Variants in SLC16A5 observed in about 807,000 individuals in gnomAD.
SLC16A5 encodes the protein monocarboxylate transporter 6.
In SLC16A5, 29 loss-of-function variants were observed where a neutral mutation model predicts 33.2. The ratio of observed to expected loss-of-function variants is 0.87; its 90% CI spans 0.65 to 1.19. The LOEUF (loss-of-function observed/expected upper bound fraction) is 1.19. Among genes scored for constraint, SLC16A5 ranks in the 50% most tolerant of loss-of-function variants. The pLI, the probability that SLC16A5 is intolerant of heterozygous loss-of-function variation, is 0.00. For missense variants in SLC16A5, 606 were observed against 678.2 expected (o/e 0.89, Z 1.18); for synonymous variants, 248 against 284.1 (o/e 0.87, Z 1.28).
chr17:75,108,419 C>G (rs8075648), downstream of SLC16A5, among the ~76,000 whole-genome samples: 8,074 of 152,252 alleles, frequency 0.053, 382 homozygotes, highest in African/African-American at 0.13. Flanking sequence ...AAACTCCTGC[C>G]TCAGAGGGTG....
downstream of SLC16A5, among the ~76,000 whole-genome samples, chr17:75,108,775 G>A (rs943196930): frequency 1.3e-5 from 2 of 152,156 alleles, no homozygotes; most frequent in African/African-American, 2.4e-5. Context: ...AAGGGTGACC[G>A]CTCAAGGTTG....
Position 75,104,179 on chromosome 17 carries a change from A to G in SLC16A5, c.1363A>G (p.Met455Val), listed in dbSNP as rs1230480976. 4.3e-6 allele frequency: 7 copies of G among 1,613,980 alleles called. No individual in the cohort carries two copies. The highest frequency in any genetic ancestry group is 5.1e-6 in the Non-Finnish European group (6 of 1,180,016). Residue 455 changes from methionine (M) to valine (V), a missense_variant and splice_region_variant, in exon 6 of 7, where the codon ATG (methionine) becomes GTG (valine). Transcript: ENST00000329783. ...TGGGAAGCAACGGTCCCCTGAGATC[A>G]TGTATGTAACCAGCGTCTAAGACCC... ...GPGKQRSPEI[M>V]CQSSRQPRPA...
At chr17:75,107,020 A>G (rs2073869091), downstream of SLC16A5, among the ~76,000 whole-genome samples, 1 of 144,756 alleles carries the variant, frequency 6.9e-6, no homozygotes, top group Non-Finnish European at 1.6e-5. Context: ...AGGAAAGGGA[A>G]AAAAAAAAAG....
intron 1 of SLC16A5, among the ~76,000 whole-genome samples, chr17:75,088,487 C>T (rs1478107632): frequency 6.6e-6 from 1 of 152,088 alleles, no homozygotes; most frequent in Non-Finnish European, 1.5e-5. Context: ...AGTGATTTGC[C>T]CCAGCCACCC....
At chr17:75,092,023 AGGG>A (rs374464411) in intron 2 of SLC16A5, among the ~76,000 whole-genome samples, 1 of 101,638 alleles carries the variant, frequency 9.8e-6, no homozygotes, top group Non-Finnish European at 2.4e-5. Context: ...CAAAGATGTG[AGGG>A]GGGTGTGTGT....
intron 2 of SLC16A5, chr17:75,093,353 T>C: frequency 6.6e-7 from 1 of 1,504,608 alleles, no homozygotes; most frequent in Non-Finnish European, 8.9e-7. Flanking sequence ...CTATCCCTCC[T>C]GTCCCTCCTG....
At chr17:75,093,282 CAATT>C (rs746694809) in intron 2 of SLC16A5, 2 of 795,572 alleles carry the variant, frequency 2.5e-6, no homozygotes, top group Non-Finnish European at 4.0e-6. Context: ...AGTGATGTAA[CAATT>C]AGAGACAATT....
At chr17:75,094,427 C>G (rs1452284282) in intron 3 of SLC16A5, among the ~76,000 whole-genome samples, 1 of 152,228 alleles carries the variant, frequency 6.6e-6, no homozygotes, top group Non-Finnish European at 1.5e-5. Context: ...TGGCTTACGC[C>G]TGTAATCCCA....
chr17:75,099,591 G>A (rs1040345507), intron 4 of SLC16A5, among the ~76,000 whole-genome samples: 1 of 152,000 alleles, frequency 6.6e-6, no homozygotes, highest in Non-Finnish European at 1.5e-5. Context: ...GACTACAGGC[G>A]CCTGCCACTA....
chr17:75,095,054 G>A (rs545531611), intron 3 of SLC16A5, among the ~76,000 whole-genome samples: 1 of 152,374 alleles, frequency 6.6e-6, no homozygotes, highest in East Asian at 1.9e-4. Context: ...GGCCTCTGCA[G>A]GCGTGTGTCT....
At chr17:75,094,676 A>C (rs1328438012) in intron 3 of SLC16A5, among the ~76,000 whole-genome samples, 1 of 107,472 alleles carries the variant, frequency 9.3e-6, no homozygotes, top group Non-Finnish European at 1.9e-5. Flanking sequence ...ACAAGAGTGA[A>C]ACTGTCTCAA....
intron 2 of SLC16A5, among the ~76,000 whole-genome samples, chr17:75,092,787 GTGAC>G (rs1425094491): frequency 1.3e-5 from 2 of 151,616 alleles, no homozygotes; most frequent in South Asian, 4.2e-4. Context: ...GTGTTTGTGT[GTGAC>G]TGGGTATGTG....
chr17:75,090,579 A>G (rs1365296088), intron 2 of SLC16A5, among the ~76,000 whole-genome samples: 3 of 149,298 alleles, frequency 2.0e-5, no homozygotes, highest in East Asian at 2.0e-4. Flanking sequence ...TCCTGCCTCA[A>G]CCTCCCGAGT....
Position 75,100,720 on chromosome 17 carries a change from C to A in SLC16A5, c.1057C>A (p.Leu353Ile). 1.2e-6 allele frequency: 2 copies of A among 1,614,204 alleles called. No individual in the cohort carries two copies. Among genetic ancestry groups the A allele is most frequent in the South Asian group, 1.1e-5 (1 of 91,090 alleles). Reference protein sequence around the residue: ...SGIGALIFQVLMDIVPMDQFP... With the variant: ...SGIGALIFQVIMDIVPMDQFP... The stretch of plus-strand genomic sequence containing the variant: ...CATCGGCGCCCTCATCTTCCAGGTT[C>A]TCATGGACATCGTCCCCATGGATCA... Residue 353 changes from leucine to isoleucine, a missense_variant, in exon 5 of 7, where the codon CTC becomes ATC. Coordinates refer to ENST00000329783, the MANE Select transcript of SLC16A5 (RefSeq NM_004695.4).
intron 5 of SLC16A5, among the ~76,000 whole-genome samples, chr17:75,102,771 C>T (rs917367035): frequency 1.3e-4 from 19 of 151,192 alleles, no homozygotes; most frequent in African/African-American, 3.6e-4. Context: ...CTCGCTCTGT[C>T]ATCCAGGCTG....
intron 2 of SLC16A5, among the ~76,000 whole-genome samples, chr17:75,090,921 C>T (rs1403317081): frequency 6.6e-6 from 1 of 152,124 alleles, no homozygotes; most frequent in Non-Finnish European, 1.5e-5. Flanking sequence ...GGGCAAAGTC[C>T]CCAAAAACAC....
chr17:75,107,304 A>C (rs188594926), downstream of SLC16A5, among the ~76,000 whole-genome samples: 1,656 of 139,458 alleles, frequency 0.012, 76 homozygotes, highest in Admixed American at 0.086. Context: ...CCCCCTTCCC[A>C]AAAAAAAAAA....
chr17:75,103,845 A>T (rs1345333739), intron 5 of SLC16A5, 125 bp from the exon 6 acceptor site: 1 of 783,376 alleles, frequency 1.3e-6, no homozygotes, highest in African/African-American at 1.7e-5. Context: ...TTGAGTGTCT[A>T]CTGGGTGTCA....
chr17:75,096,461 C>T (rs1043906281), intron 3 of SLC16A5, among the ~76,000 whole-genome samples: 2 of 151,268 alleles, frequency 1.3e-5, no homozygotes, highest in South Asian at 2.1e-4. Flanking sequence ...GGGGCAGAGA[C>T]GCCGGGCCAC....
Sources: allele counts gnomAD v4.1 joint callset (sites outside exome capture counted in the v4.1 genomes callset), GRCh38; gene constraint gnomAD v4.1.1; transcripts MANE v1.5; gene names NCBI Gene and HGNC (gene_info 2026-07-23, HGNC 2026-07-21).